Variants in GSG1L observed in about 807,000 individuals in gnomAD.
The protein encoded by GSG1L is germ cell-specific gene 1-like protein.
A neutral mutation model predicts 42.1 loss-of-function variants in GSG1L; 24 were observed. That is an observed-to-expected ratio of 0.57 (90% confidence interval 0.41 to 0.80). GSG1L has a LOEUF of 0.80. Among genes scored for constraint, GSG1L ranks in the 30% least tolerant of loss-of-function variants. GSG1L has a pLI of 0.00. For missense variants in GSG1L, 445 were observed against 472.2 expected, an observed-to-expected ratio of 0.94 and a Z score of 0.53; for synonymous variants, 215 against 203.5, an observed-to-expected ratio of 1.06 and a Z score of -0.48.
chr16:27,891,996 C>T (rs932083990), intron 2 of GSG1L, among the ~76,000 whole-genome samples: 12 of 150,574 alleles, frequency 8.0e-5, no homozygotes, highest in Non-Finnish European at 1.8e-4. Context: ...CACCACCGGA[C>T]TCACCTGGGC....
intron 1 of GSG1L, among the ~76,000 whole-genome samples, chr16:27,975,587 C>T (rs1567541306): frequency 6.6e-6 from 1 of 152,214 alleles, no homozygotes; most frequent in Non-Finnish European, 1.5e-5. Flanking sequence ...CCTGTGTGCA[C>T]TGTGGGCTTA....
intron 1 of GSG1L, among the ~76,000 whole-genome samples, chr16:28,051,031 G>A (rs930201646): frequency 5.9e-5 from 9 of 152,190 alleles, no homozygotes; most frequent in African/African-American, 2.2e-4. Flanking sequence ...CATTCGTCTT[G>A]TTTCCTGCTA....
intron 1 of GSG1L, among the ~76,000 whole-genome samples, chr16:28,035,359 C>A (rs1444137418): frequency 1.3e-5 from 2 of 152,090 alleles, no homozygotes; most frequent in Non-Finnish European, 2.9e-5. Context: ...TTTTAGAGTG[C>A]CTTTTAAATT....
intron 2 of GSG1L, among the ~76,000 whole-genome samples, chr16:27,892,523 G>A (rs551451920): frequency 5.9e-5 from 9 of 151,856 alleles, no homozygotes; most frequent in Non-Finnish European, 1.2e-4. Flanking sequence ...CAGCACTTTG[G>A]GAGGCCGAAG....
At chr16:27,949,700 C>T (rs934559321) in intron 2 of GSG1L, among the ~76,000 whole-genome samples, 4 of 152,054 alleles carry the variant, frequency 2.6e-5, no homozygotes, top group Admixed American at 6.6e-5. Context: ...CCGAGGCGGG[C>T]GGATCACGAG....
intron 1 of GSG1L, among the ~76,000 whole-genome samples, chr16:28,050,361 G>A (rs1461267741): frequency 1.3e-5 from 2 of 152,088 alleles, no homozygotes; most frequent in African/African-American, 2.4e-5. Flanking sequence ...TTTTTGTAGA[G>A]ATGGGGTCTT....
chr16:27,929,435 C>A (rs1020589931), intron 2 of GSG1L, among the ~76,000 whole-genome samples: 1 of 152,092 alleles, frequency 6.6e-6, no homozygotes, highest in Non-Finnish European at 1.5e-5. Flanking sequence ...GGGAATCAGC[C>A]GTAGGGCCTC....
chr16:27,921,985 G>A (rs1166253093), intron 2 of GSG1L, among the ~76,000 whole-genome samples: 2 of 137,256 alleles, frequency 1.5e-5, no homozygotes, highest in African/African-American at 5.3e-5. Flanking sequence ...TATTGTTGTT[G>A]TTGTTGTTTG....
At chr16:27,876,592 C>A (rs755906838) in intron 3 of GSG1L, among the ~76,000 whole-genome samples, 1 of 152,226 alleles carries the variant, frequency 6.6e-6, no homozygotes, top group African/African-American at 2.4e-5. Flanking sequence ...GCTCCTGGCA[C>A]TGGTACCAGG....
At chr16:27,803,953 AG>A (rs1436196113) in intron 6 of GSG1L, among the ~76,000 whole-genome samples, 2 of 151,778 alleles carry the variant, frequency 1.3e-5, no homozygotes, top group Admixed American at 1.3e-4. Flanking sequence ...ATAGATGGTA[AG>A]ATTTATAGAT....
chr16:27,991,475 G>C (rs1267762536), intron 1 of GSG1L, among the ~76,000 whole-genome samples: 1 of 151,154 alleles, frequency 6.6e-6, no homozygotes, highest in African/African-American at 2.4e-5. Context: ...GTGCAATCTC[G>C]GCTCACTGCA....
At chr16:27,862,084 C>G (rs987298324) in intron 3 of GSG1L, among the ~76,000 whole-genome samples, 10 of 152,176 alleles carry the variant, frequency 6.6e-5, no homozygotes, top group African/African-American at 2.2e-4. Context: ...GAAGGAGCAA[C>G]TCTAAGGTGA....
chr16:27,798,532 G>A (rs1258202358), intron 6 of GSG1L, among the ~76,000 whole-genome samples: 1 of 152,124 alleles, frequency 6.6e-6, no homozygotes, highest in Non-Finnish European at 1.5e-5. Flanking sequence ...GACGGGTATG[G>A]CCTGAAAGCA....
intron 1 of GSG1L, among the ~76,000 whole-genome samples, chr16:28,036,311 C>A (rs1467603569): frequency 1.3e-5 from 2 of 152,174 alleles, no homozygotes; most frequent in Non-Finnish European, 2.9e-5. Flanking sequence ...CCCTAAAGGC[C>A]ACAGGTTCCT....
chr16:27,817,693 T>C (rs1160890442), intron 5 of GSG1L, among the ~76,000 whole-genome samples: 2 of 152,164 alleles, frequency 1.3e-5, no homozygotes, highest in Non-Finnish European at 1.5e-5. Flanking sequence ...GAACCAATTT[T>C]TTCATAAAAA....
chr16:27,890,922 G>A (rs1709769), intron 2 of GSG1L, among the ~76,000 whole-genome samples: 92,802 of 152,038 alleles, frequency 0.61, 28,985 homozygotes, highest in Admixed American at 0.74. Flanking sequence ...GGGGGCTGTG[G>A]AAGTGCGGCA....
At chr16:27,845,115 C>T (rs918023343) in intron 3 of GSG1L, 54 bp from the exon 4 acceptor site, 5 of 1,160,322 alleles carry the variant, frequency 4.3e-6, no homozygotes, top group Non-Finnish European at 6.3e-6. Context: ...GGCTTTGTCC[C>T]CACACACCCA....
At chr16:27,927,329 G>A (rs565979399) in intron 2 of GSG1L, among the ~76,000 whole-genome samples, 2 of 151,930 alleles carry the variant, frequency 1.3e-5, no homozygotes, top group African/African-American at 4.8e-5. Context: ...TGTAGAGATG[G>A]GGTCTCACGG....
At chr16:28,003,818 G>A (rs1234564919) in intron 1 of GSG1L, among the ~76,000 whole-genome samples, 19 of 152,300 alleles carry the variant, frequency 1.2e-4, no homozygotes, top group Admixed American at 1.2e-3. Context: ...TTAGGGAGTT[G>A]GGAGTTTCCC....
Sources: allele counts gnomAD v4.1 joint callset (sites outside exome capture counted in the v4.1 genomes callset), GRCh38; gene constraint gnomAD v4.1.1; transcripts MANE v1.5; gene names NCBI Gene and HGNC (gene_info 2026-07-23, HGNC 2026-07-21).